Variants in NYAP2 observed in about 807,000 individuals in gnomAD.
NYAP2 encodes neuronal tyrosine-phosphorylated phosphoinositide-3-kinase adaptor 2.
In NYAP2, 23 loss-of-function variants were observed where a neutral mutation model predicts 50.4. The observed-to-expected ratio is 0.46, with a 90% CI of 0.33 to 0.65. The LOEUF (loss-of-function observed/expected upper bound fraction) is 0.65. NYAP2 is among the 30% of genes least tolerant of loss of function. NYAP2 has a pLI of 0.02. For missense variants in NYAP2, 885 were observed against 861.0 expected, an observed-to-expected ratio of 1.03 and a Z score of -0.35; for synonymous variants, 394 against 365.2, an observed-to-expected ratio of 1.08 and a Z score of -0.90.
At chr2:225,560,104 C>A (rs1193593860) in intron 4 of NYAP2, among the ~76,000 whole-genome samples, 1 of 152,022 alleles carries the variant, frequency 6.6e-6, no homozygotes, top group Non-Finnish European at 1.5e-5. Context: ...ACCCACCTCC[C>A]TTTCCAAGTC....
intron 3 of NYAP2, among the ~76,000 whole-genome samples, chr2:225,511,373 C>CACAGAGAG (rs376750469): frequency 1.3e-4 from 15 of 117,836 alleles, no homozygotes; most frequent in South Asian, 6.2e-4. Context: ...CACACACACA[C>CACAGAGAG]AGAGAGAGAG....
chr2:225,470,825 G>GTA (rs1553540794), intron 3 of NYAP2, among the ~76,000 whole-genome samples: 4 of 151,692 alleles, frequency 2.6e-5, no homozygotes, highest in South Asian at 2.1e-4. Flanking sequence ...GTGTGTGTGT[G>GTA]TATATATATT....
intron 4 of NYAP2, among the ~76,000 whole-genome samples, chr2:225,576,954 A>ATCTC (rs1692178871): frequency 6.6e-6 from 1 of 151,998 alleles, no homozygotes; most frequent in African/African-American, 2.4e-5. Flanking sequence ...CCTCTGTTGT[A>ATCTC]TCTCTTTTTT....
chr2:225,614,975 G>A (rs973520807), intron 5 of NYAP2, among the ~76,000 whole-genome samples: 7 of 152,142 alleles, frequency 4.6e-5, no homozygotes, highest in African/African-American at 1.4e-4. Flanking sequence ...AGGTTATCGG[G>A]AAGTTTCCAT....
intron 5 of NYAP2, among the ~76,000 whole-genome samples, chr2:225,610,271 G>T (rs1356666768): frequency 6.6e-6 from 1 of 152,062 alleles, no homozygotes; most frequent in Non-Finnish European, 1.5e-5. Flanking sequence ...CTTTCTTGAG[G>T]CTTCTCTCCT....
At chr2:225,449,601 CTTTTT>C (rs201552006) in intron 3 of NYAP2, among the ~76,000 whole-genome samples, 596 of 96,308 alleles carry the variant, frequency 6.2e-3, no homozygotes, top group African/African-American at 0.024. Context: ...CTCTCTTTCT[CTTTTT>C]TTTTTTTTTT....
intron 3 of NYAP2, among the ~76,000 whole-genome samples, chr2:225,444,524 G>C (rs1473443548): frequency 1.3e-5 from 2 of 152,054 alleles, no homozygotes; most frequent in Admixed American, 6.6e-5. Context: ...CACACACACA[G>C]ACGTGACACA....
chr2:225,514,220 T>C lies in NYAP2; in HGVS notation c.523+548T>C, dbSNP rs925997512. 8.5e-4 allele frequency among the ~76,000 whole-genome samples: 130 copies of C among 152,352 alleles called. 1 individual carries two copies. Among genetic ancestry groups the C allele is most frequent in the African/African-American group, 3.0e-3 (123 of 41,588 alleles). ...AGCTATGAAACATACAAGTCAAATA[T>C]ATCCCAGCCTCCTTGCTGGTCTATG... On this transcript the variant is annotated intron_variant, in intron 4 of 6. Transcript: ENST00000636099.
chr2:225,582,423 C>G lies in NYAP2; in HGVS notation c.1006C>G (p.Leu336Val), dbSNP rs781166282. Residue 336 changes from leucine to valine, a missense_variant, in exon 5 of 7, where the codon CTG becomes GTG. Transcript: ENST00000636099. The surrounding 1 kb of genome is among the most constrained non-coding windows in gnomAD (Gnocchi z 7.0). The stretch of plus-strand genomic sequence containing the variant: ...CAACCTGCTTTCTCACAGACCCCCG[C>G]TGCTGGTATTTCCCCCCGCCCCCGT... 1 of 1,595,088 alleles carries G rather than the reference C, an allele frequency of 6.3e-7. No individual in the cohort carries two copies. The highest frequency in any genetic ancestry group is 8.6e-7 in the Non-Finnish European group (1 of 1,167,566).
chr2:225,672,274 A>C, the NYAP2 span, among the ~76,000 whole-genome samples: 1 of 152,158 alleles, frequency 6.6e-6, no homozygotes, highest in Non-Finnish European at 1.5e-5. Flanking sequence ...TGTTCTGGAT[A>C]ACTTACTGCT....
chr2:225,638,603 C>T (rs968521018), intron 6 of NYAP2, among the ~76,000 whole-genome samples: 3 of 152,078 alleles, frequency 2.0e-5, no homozygotes, highest in Non-Finnish European at 4.4e-5. Context: ...CCCAGTTACC[C>T]ACAAAAGACA....
intron 5 of NYAP2, among the ~76,000 whole-genome samples, chr2:225,611,899 TATAC>T (rs1313436611): frequency 7.9e-4 from 81 of 102,792 alleles, no homozygotes; most frequent in Non-Finnish European, 3.6e-4. Flanking sequence ...TGTGTGTGTG[TATAC>T]ACACACACAC....
rs139006794 is a variant in NYAP2 at position 225,411,520 on chromosome 2, A to G, written c.221+2419A>G. On this transcript the variant is annotated intron_variant, in intron 3 of 6. Transcript: ENST00000636099. ...TGAGTAAAGAATCTGGAGCTATGGT[A>G]GAATTCCAAGCCGAAGGTACAAATG... 4.4e-3 allele frequency among the ~76,000 whole-genome samples: 671 copies of G among 152,232 alleles called. 5 individuals carry two copies. Among genetic ancestry groups the G allele is most frequent in the African/African-American group, 0.015 (624 of 41,556 alleles).
chr2:225,480,544 T>C (rs974255763), intron 3 of NYAP2, among the ~76,000 whole-genome samples: 3 of 152,054 alleles, frequency 2.0e-5, no homozygotes, highest in African/African-American at 7.2e-5. Context: ...AAAGGAATAT[T>C]GAGGCACAAA....
chr2:225,535,357 T>C (rs950107414), intron 4 of NYAP2, among the ~76,000 whole-genome samples: 4 of 152,204 alleles, frequency 2.6e-5, no homozygotes, highest in South Asian at 2.1e-4. Flanking sequence ...ATGCAATCAA[T>C]TGATAGTTCC....
intron 3 of NYAP2, among the ~76,000 whole-genome samples, chr2:225,474,132 T>C (rs1482123986): frequency 6.6e-6 from 1 of 152,190 alleles, no homozygotes; most frequent in Non-Finnish European, 1.5e-5. Flanking sequence ...ATGTGTGGCA[T>C]TATTTCTGAG....
intron 6 of NYAP2, among the ~76,000 whole-genome samples, chr2:225,638,149 CGTGTGTTTGTGTGT>C (rs928339823): frequency 1.9e-5 from 2 of 102,806 alleles, no homozygotes; most frequent in African/African-American, 7.3e-5. Flanking sequence ...TAAACAGACT[CGTGTGTTTGTGTGT>C]GTGTGTGTGT....
chr2:225,542,486 T>A (rs539163850), intron 4 of NYAP2, among the ~76,000 whole-genome samples: 2 of 152,282 alleles, frequency 1.3e-5, no homozygotes, highest in East Asian at 3.9e-4. Context: ...TTAAGGAATG[T>A]TGAATTTTAT....
chr2:225,404,695 A>T (rs1244245485), intron 2 of NYAP2, among the ~76,000 whole-genome samples: 1 of 152,010 alleles, frequency 6.6e-6, no homozygotes, highest in East Asian at 1.9e-4. Flanking sequence ...TGTAAATAAC[A>T]AAGTGAAAAA....
Sources: gnomAD v4.1 joint callset for allele counts (sites outside exome capture counted in the v4.1 genomes callset) on GRCh38, gnomAD v4.1.1 for gene constraint, Gnocchi (gnomAD v3.1) non-coding constraint, MANE v1.5 for transcripts, NCBI Gene and HGNC (gene_info 2026-07-23, HGNC 2026-07-21) for gene names.